DMD: variants seen among roughly 807,000 people sequenced by gnomAD.
DMD encodes dystrophin, also known as mutant dystrophin.
In DMD, 63 loss-of-function variants were observed where a neutral mutation model predicts 330.1. The ratio of observed to expected loss-of-function variants is 0.19; its 90% CI spans 0.16 to 0.24. DMD has a LOEUF of 0.24. DMD is among the 10% of genes least tolerant of loss of function. DMD has a pLI of 1.00. For synonymous variants in DMD, 1,223 were observed against 959.8 expected (o/e 1.27, Z -5.07); for missense variants, 3,344 against 2,684.1 (o/e 1.25, Z -5.43).
intron 1 of DMD, among the ~76,000 whole-genome samples, chrX:33,338,543 G>A (rs1361822130): frequency 9.1e-6 from 1 of 110,476 alleles, no homozygotes; most frequent in Non-Finnish European, 1.9e-5. Flanking sequence ...TTCATTAACA[G>A]CCTTCAAAGC....
intron 54 of DMD, among the ~76,000 whole-genome samples, chrX:31,645,995 C>G (rs1484022185): frequency 3.6e-5 from 4 of 111,638 alleles, no homozygotes; most frequent in Middle Eastern, 4.3e-3. Flanking sequence ...AAAGAAAACT[C>G]CCACTCTAGA....
chrX:31,375,499 T>C (rs2059839941), intron 60 of DMD, among the ~76,000 whole-genome samples: 1 of 111,267 alleles, frequency 9.0e-6, no homozygotes, highest in South Asian at 3.8e-4. Context: ...TATTGAGAGT[T>C]GTGCTGGGAA....
intron 11 of DMD, among the ~76,000 whole-genome samples, chrX:32,617,006 C>A (rs937511646): frequency 9.1e-6 from 1 of 110,051 alleles, no homozygotes; most frequent in Admixed American, 9.7e-5. Context: ...AAAATGATTT[C>A]TTTAAACTAG....
intron 9 of DMD, among the ~76,000 whole-genome samples, chrX:32,679,212 A>G (rs1051486757): frequency 8.9e-6 from 1 of 112,054 alleles, no homozygotes; most frequent in Non-Finnish European, 1.9e-5. Context: ...GTTTTGCTTC[A>G]TGATATGGTA....
At chrX:32,497,400 T>C (rs1408771243) in intron 19 of DMD, among the ~76,000 whole-genome samples, 1 of 111,997 alleles carries the variant, frequency 8.9e-6, no homozygotes, top group Non-Finnish European at 1.9e-5. Flanking sequence ...GTCCTTGATG[T>C]GACTGTCCTT....
At chrX:31,451,575 C>T (rs188147557) in intron 59 of DMD, among the ~76,000 whole-genome samples, 6 of 110,514 alleles carry the variant, frequency 5.4e-5, no homozygotes, top group Admixed American at 4.8e-4. Flanking sequence ...AGCCACCGTG[C>T]CGGGCCTGCA....
chrX:32,394,908 C>CAAAAACAAAAACAAACAAAAAAA (rs1557326692), intron 30 of DMD, among the ~76,000 whole-genome samples: 1 of 37,136 alleles, frequency 2.7e-5, no homozygotes. Flanking sequence ...GAGCAAAAAA[C>CAAAAACAAAAACAAACAAAAAAA]AAAAAAACAA....
At chrX:31,574,067 A>G (rs2075961887) in intron 55 of DMD, among the ~76,000 whole-genome samples, 1 of 110,565 alleles carries the variant, frequency 9.0e-6, no homozygotes, top group Non-Finnish European at 1.9e-5. Context: ...GTGTTCAGAA[A>G]CAGAGTCTAC....
intron 9 of DMD, among the ~76,000 whole-genome samples, chrX:32,692,639 G>T (rs1390262851): frequency 1.8e-5 from 2 of 111,782 alleles, no homozygotes; most frequent in African/African-American, 6.5e-5. Context: ...TTCCAAGATT[G>T]TTCCTCAGCA....
intron 49 of DMD, among the ~76,000 whole-genome samples, chrX:31,836,432 A>G (rs1001769440): frequency 8.0e-5 from 9 of 112,184 alleles, no homozygotes; most frequent in South Asian, 7.3e-4. Flanking sequence ...AGCCCCAAAG[A>G]ATTTAATCTA....
At chrX:32,658,487 T>C (rs776236301) in intron 9 of DMD, among the ~76,000 whole-genome samples, 8 of 111,594 alleles carry the variant, frequency 7.2e-5, no homozygotes, top group Non-Finnish European at 1.3e-4. Flanking sequence ...TGAATAAACA[T>C]GGATGTGTTC....
At chrX:32,459,002 C>T (rs1022638517) in intron 25 of DMD, among the ~76,000 whole-genome samples, 2 of 110,528 alleles carry the variant, frequency 1.8e-5, no homozygotes, top group African/African-American at 3.3e-5. Context: ...TTTCCAAAGG[C>T]TGAGAGAGGG....
chrX:31,982,595 T>G (rs774776286), intron 44 of DMD, among the ~76,000 whole-genome samples: 2 of 111,502 alleles, frequency 1.8e-5, no homozygotes, highest in South Asian at 7.6e-4. Flanking sequence ...TGAAGAGACA[T>G]ACGTTTATGA....
At chrX:32,579,932 C>A (rs2053473317) in intron 13 of DMD, among the ~76,000 whole-genome samples, 1 of 111,583 alleles carries the variant, frequency 9.0e-6, no homozygotes, top group Admixed American at 9.5e-5. Flanking sequence ...TGTGAGTATA[C>A]AAAGTGCTAA....
intron 55 of DMD, among the ~76,000 whole-genome samples, chrX:31,560,764 T>C (rs2075148518): frequency 9.3e-6 from 1 of 107,429 alleles, no homozygotes; most frequent in Non-Finnish European, 1.9e-5. Flanking sequence ...TTCCACTTAA[T>C]TAATAGTAAA....
intron 2 of DMD, among the ~76,000 whole-genome samples, chrX:32,979,299 T>C (rs1356218057): frequency 1.8e-5 from 2 of 112,209 alleles, no homozygotes; most frequent in Non-Finnish European, 3.8e-5. Context: ...AACCAATGTT[T>C]AATTTATCAA....
intron 41 of DMD, among the ~76,000 whole-genome samples, chrX:32,340,232 A>C (rs1349445827): frequency 2.7e-5 from 3 of 111,845 alleles, no homozygotes; most frequent in South Asian, 7.4e-4. Context: ...ATTATTCTTC[A>C]TACAGATTGT....
intron 52 of DMD, among the ~76,000 whole-genome samples, chrX:31,709,268 CTCAA>C (rs1057389355): frequency 3.6e-5 from 4 of 111,273 alleles, no homozygotes; most frequent in African/African-American, 1.3e-4. Flanking sequence ...GAGACTCTGA[CTCAA>C]TCAATCAATC....
intron 7 of DMD, among the ~76,000 whole-genome samples, chrX:32,755,292 C>T (rs2071358261): frequency 9.8e-6 from 1 of 102,442 alleles, no homozygotes; most frequent in African/African-American, 3.8e-5. Flanking sequence ...ATTCTCTCCT[C>T]TAAAAATATT....
Sources: allele counts gnomAD v4.1 joint callset (sites outside exome capture counted in the v4.1 genomes callset), GRCh38; gene constraint gnomAD v4.1.1; transcripts MANE v1.5; gene names NCBI Gene and HGNC (gene_info 2026-07-23, HGNC 2026-07-21).